The following AFF4 variants were observed in gnomAD, a reference collection of about 807,000 sequenced individuals.
AFF4 encodes the protein AF4/FMR2 family member 4.
In AFF4, 13 loss-of-function variants were observed where a neutral mutation model predicts 124.8. That is an observed-to-expected ratio of 0.10 (90% CI 0.07 to 0.17). The LOEUF is 0.17. AFF4 is among the 10% of genes least tolerant of loss of function. The pLI is 1.00. For missense variants in AFF4, 1,092 were observed against 1,403.8 expected (o/e 0.78, Z 3.55); for synonymous variants, 477 against 496.1 (o/e 0.96, Z 0.51).
At chr5:132,881,834 T>G (rs914898004) in intron 20 of AFF4, among the ~76,000 whole-genome samples, 9 of 151,766 alleles carry the variant, frequency 5.9e-5, no homozygotes, top group Admixed American at 1.3e-4. Context: ...AAAGTTTTTT[T>G]TTTTTTTTTT....
In AFF4 at chr5:132,886,311, T is replaced by A. The variant is rs1478275537; in HGVS notation, c.3098A>T (p.Lys1033Met). 6.2e-7 allele frequency: 1 copy of A among 1,613,488 alleles called. No individual in the cohort carries two copies. Among genetic ancestry groups the A allele is most frequent in the Non-Finnish European group, 8.5e-7 (1 of 1,179,666 alleles). The change falls in exon 18 of 21, where the codon AAG (lysine) becomes ATG (methionine). Residue 1033 changes from lysine (K) to methionine (M), a missense_variant and splice_region_variant. Coordinates refer to ENST00000265343, the MANE Select transcript of AFF4 (RefSeq NM_014423.4). ...KYSKTLTEHL[K>M]NSYNNSQAPS... ...GACCTTGTGCTTTTGCATACTTACC[T>A]TCAGGTGCTCTGTCAGTGTCTTTGA...
intron 2 of AFF4, among the ~76,000 whole-genome samples, chr5:132,936,005 G>A (rs1292419482): frequency 6.6e-6 from 1 of 151,326 alleles, no homozygotes; most frequent in African/African-American, 2.4e-5. Context: ...CAGTGGCTCA[G>A]GCCTGTAATC....
intron 5 of AFF4, among the ~76,000 whole-genome samples, chr5:132,916,253 AAAAAAAAAAAAAAG>A (rs1238135042): frequency 6.6e-6 from 1 of 150,564 alleles, no homozygotes; most frequent in African/African-American, 2.4e-5. Flanking sequence ...AAAAAAAAAA[AAAAAAAAAAAAAAG>A]AATCACTTAA....
intron 4 of AFF4, among the ~76,000 whole-genome samples, chr5:132,931,164 C>T (rs1167088473): frequency 6.6e-6 from 1 of 151,454 alleles, no homozygotes; most frequent in Non-Finnish European, 1.5e-5. Context: ...GCTATAATCC[C>T]AGCACTTTGG....
At chr5:132,933,807 T>A (rs1761355985) in intron 3 of AFF4, among the ~76,000 whole-genome samples, 1 of 152,224 alleles carries the variant, frequency 6.6e-6, no homozygotes, top group Non-Finnish European at 1.5e-5. Flanking sequence ...AAAGTTAATT[T>A]TGTTTTTAAA....
At position 132,892,267 on chromosome 5, in the gene AFF4, C is replaced by A. The variant is rs1475179681; in HGVS notation, c.2534G>T (p.Ser845Ile). 3.1e-6 allele frequency: 5 copies of A among 1,614,106 alleles called. No homozygotes were observed. The East Asian group carries it at 8.9e-5, about 29-fold the overall frequency. ...ISQSSSLKSS[S>I]NSNKETSGSS... is the part of the protein sequence containing the mutation. ...GCCACTCGTCTCCTTGTTGCTGTTA[C>A]TGCTTGACTTTAAGGAAGAAGACTG... Residue 845 changes from serine (S) to isoleucine (I), a missense_variant, in exon 13 of 21, where the codon AGT (serine) becomes ATT (isoleucine). Coordinates refer to ENST00000265343, the MANE Select transcript of AFF4 (RefSeq NM_014423.4).
At chr5:132,905,006 C>T (rs988470097) in intron 5 of AFF4, among the ~76,000 whole-genome samples, 6 of 148,402 alleles carry the variant, frequency 4.0e-5, no homozygotes, top group East Asian at 2.0e-4. Flanking sequence ...GCCGAGATCG[C>T]GCCACTGCAC....
At chr5:132,926,302 A>G (rs148700658) in intron 5 of AFF4, 7 of 430,574 alleles carry the variant, frequency 1.6e-5, no homozygotes, top group African/African-American at 1.2e-4. Context: ...TCACAAGGAG[A>G]ATGTATTTCT....
intron 15 of AFF4, 51 bp downstream of exon 15, chr5:132,888,046 A>G: frequency 6.2e-7 from 1 of 1,606,466 alleles, no homozygotes; most frequent in Non-Finnish European, 8.5e-7. Flanking sequence ...TCAGAAGATT[A>G]CTTAAGTTAA....
chr5:132,908,927 C>T (rs938930210), intron 5 of AFF4, among the ~76,000 whole-genome samples: 10 of 151,056 alleles, frequency 6.6e-5, no homozygotes, highest in East Asian at 3.9e-4. Flanking sequence ...CCTGCCACCA[C>T]GCCCAGTTAA....
chr5:132,951,451 C>T (rs1761840144), intron 1 of AFF4, among the ~76,000 whole-genome samples: 1 of 152,226 alleles, frequency 6.6e-6, no homozygotes, highest in South Asian at 2.1e-4. Context: ...CTCCTGATCA[C>T]ATCTCCAAGT....
intron 14 of AFF4, 115 bp downstream of exon 14, chr5:132,888,963 TG>T: frequency 1.1e-6 from 1 of 907,782 alleles, no homozygotes; most frequent in Admixed American, 2.1e-5. Context: ...CCAAAAGAGC[TG>T]GGATTACAAG....
intron 5 of AFF4, among the ~76,000 whole-genome samples, chr5:132,924,904 G>A (rs1761133198): frequency 1.3e-5 from 2 of 151,718 alleles, no homozygotes; most frequent in Admixed American, 6.6e-5. Context: ...GGCCAGGTGC[G>A]TTGGCTCACA....
At chr5:132,949,684 C>CCA (rs565722171) in intron 1 of AFF4, among the ~76,000 whole-genome samples, 1,999 of 147,850 alleles carry the variant, frequency 0.014, 28 homozygotes, top group South Asian at 0.027. Flanking sequence ...CCCATGTGTA[C>CCA]CACACACACA....
At position 132,904,391 on chromosome 5, in the gene AFF4, G is replaced by C; in HGVS notation, c.1064C>G (p.Ser355Cys). The C allele has an allele frequency of 6.2e-7, 1 of 1,610,314 alleles. No individual in the cohort carries two copies. The highest frequency in any genetic ancestry group is 8.5e-7 in the Non-Finnish European group (1 of 1,178,488). Residue 355 changes from serine (S) to cysteine (C), a missense_variant, in exon 6 of 21, where the codon TCC becomes TGC. Coordinates refer to ENST00000265343, the MANE Select transcript of AFF4 (RefSeq NM_014423.4). The part of the protein sequence containing the change: ...FPFPTKESQQ[S>C]NFGTGEQKRY... ...ACTTTGTTCTCCAGTGCCAAAATTG[G>C]ACTGCTGAGACTCCTAAGAAAAAGG...
intron 1 of AFF4, among the ~76,000 whole-genome samples, chr5:132,940,843 A>G (rs939920228): frequency 3.9e-5 from 6 of 152,114 alleles, no homozygotes; most frequent in Non-Finnish European, 5.9e-5. Context: ...CCTGGCCAAC[A>G]CGGTGAAACC....
chr5:132,924,038 G>A (rs1019805208), intron 5 of AFF4, among the ~76,000 whole-genome samples: 7 of 151,526 alleles, frequency 4.6e-5, no homozygotes, highest in Non-Finnish European at 7.4e-5. Context: ...GGTGGATCAC[G>A]AGGTCGGGAG....
intron 1 of AFF4, among the ~76,000 whole-genome samples, chr5:132,949,244 G>T (rs1761773298): frequency 1.9e-5 from 2 of 105,428 alleles, no homozygotes. Flanking sequence ...ATGGGGTCTT[G>T]CCATATTGCT....
chr5:132,938,719 A>G (rs1427535039), intron 1 of AFF4, among the ~76,000 whole-genome samples: 2 of 151,638 alleles, frequency 1.3e-5, no homozygotes, highest in East Asian at 2.0e-4. Flanking sequence ...CGAGGTGGGC[A>G]GATCACAAGG....
Sources: gnomAD v4.1 joint callset for allele counts (sites outside exome capture counted in the v4.1 genomes callset) on GRCh38, gnomAD v4.1.1 for gene constraint, MANE v1.5 for transcripts, NCBI Gene and HGNC (gene_info 2026-07-23, HGNC 2026-07-21) for gene names.